NAV2: variants seen among roughly 807,000 people sequenced by gnomAD.
The protein encoded by NAV2 is neuron navigator 2, also known as helicase, APC down-regulated 1.
In NAV2, 54 loss-of-function variants were observed where a neutral mutation model predicts 223.2. That is an observed-to-expected ratio of 0.24 (90% confidence interval 0.19 to 0.30). The LOEUF (loss-of-function observed/expected upper bound fraction) is 0.30, where lower values mean the gene tolerates loss of function less well. Ranked by LOEUF, NAV2 falls within the 10% of genes least tolerant of loss-of-function variation. NAV2 has a pLI of 1.00. For synonymous variants in NAV2, 1,279 were observed against 1,239.3 expected, an observed-to-expected ratio of 1.03 and a Z score of -0.67; for missense variants, 2,806 against 3,147.5, an observed-to-expected ratio of 0.89 and a Z score of 2.60.
intron 1 of NAV2, among the ~76,000 whole-genome samples, chr11:19,539,898 T>C (rs16936939): frequency 0.2 from 30,572 of 152,134 alleles, 6,184 homozygotes; most frequent in African/African-American, 0.53. Context: ...AGATAGGTCG[T>C]GGAGGGGGAC....
chr11:19,844,820 G>GT (rs2060699143), intron 3 of NAV2, among the ~76,000 whole-genome samples: 1 of 144,102 alleles, frequency 6.9e-6, no homozygotes, highest in South Asian at 2.2e-4. Context: ...TGTGAACTGT[G>GT]TGTTTTTTTT....
chr11:19,707,688 C>T (rs76495323), intron 1 of NAV2, among the ~76,000 whole-genome samples: 1 of 152,326 alleles, frequency 6.6e-6, no homozygotes, highest in East Asian at 1.9e-4. Context: ...GAACCCATAA[C>T]ATAGTAATTT....
Position 20,105,566 on chromosome 11 carries a change from A to C in NAV2, c.6680A>C (p.Lys2227Thr), listed in dbSNP as rs1396756491. 6.2e-7 allele frequency: 1 copy of C among 1,614,078 alleles called. No individual in the cohort carries two copies. The highest frequency in any genetic ancestry group is 8.5e-7 in the Non-Finnish European group (1 of 1,179,996). Residue 2227 changes from lysine to threonine, a missense_variant, in exon 35 of 38, where the codon AAG (lysine) becomes ACG (threonine). Physicochemically the swap from Lys to Thr is moderately conservative, Grantham distance 78 (BLOSUM62 -1). This residue lies in a region of NAV2 where 824 missense variants were observed against 1,069.4 expected (regional missense o/e 0.77). Coordinates refer to ENST00000349880, the MANE Select transcript of NAV2 (RefSeq NM_145117.5). Reference sequence around the variant, plus strand: ...TGTGCCAACCACACGGAGCCTGTGAAGGGTTTCCTTGGCCGATTCCTGAGG... The same window carrying C: ...TGTGCCAACCACACGGAGCCTGTGACGGGTTTCCTTGGCCGATTCCTGAGG... ...VLCANHTEPV[K>T]GFLGRFLRRK...
Position 19,413,414 on chromosome 11 carries a change from A to G in NAV2, c.75+62387A>G, listed in dbSNP as rs573602947. Among the ~76,000 whole-genome samples, 10 of 152,338 alleles carry G rather than the reference A, an allele frequency of 6.6e-5. No homozygotes were observed. The South Asian group carries it at 2.1e-3, about 32-fold the overall frequency. Reference sequence around the variant, plus strand: ...GGAATGAACAAATCCTCCAAGAAATATGGGACTATGTGAAAAGACCAAACC... The same window carrying G: ...GGAATGAACAAATCCTCCAAGAAATGTGGGACTATGTGAAAAGACCAAACC... On this transcript the variant is annotated intron_variant, in intron 1 of 37. Transcript: ENST00000360655.
At chr11:20,060,688 G>A (rs995467927) in intron 19 of NAV2, among the ~76,000 whole-genome samples, 8 of 152,182 alleles carry the variant, frequency 5.3e-5, no homozygotes, top group Admixed American at 5.2e-4. Context: ...AATGAGGAAA[G>A]GTCCCATAGA....
At chr11:19,480,144 GA>G in intron 1 of NAV2, among the ~76,000 whole-genome samples, 1 of 152,242 alleles carries the variant, frequency 6.6e-6, no homozygotes, top group East Asian at 1.9e-4. Context: ...CTCACTTAAG[GA>G]AACCCAGAGT....
intron 10 of NAV2, among the ~76,000 whole-genome samples, chr11:19,976,558 C>T (rs2049772156): frequency 6.6e-6 from 1 of 152,198 alleles, no homozygotes; most frequent in Non-Finnish European, 1.5e-5. Context: ...TAGATCTGAG[C>T]CCTTGTTTGA....
chr11:19,975,532 T>C (rs929767954), intron 10 of NAV2, among the ~76,000 whole-genome samples: 2 of 152,184 alleles, frequency 1.3e-5, no homozygotes, highest in African/African-American at 4.8e-5. Flanking sequence ...GAAAGTCACA[T>C]TGCATTTTGC....
At chr11:19,857,631 G>A (rs929689609) in intron 3 of NAV2, among the ~76,000 whole-genome samples, 1 of 152,154 alleles carries the variant, frequency 6.6e-6, no homozygotes, top group African/African-American at 2.4e-5. Flanking sequence ...GTCTACCTCT[G>A]TTGTCTGTCT....
chr11:19,647,294 A>C (rs936592861), intron 1 of NAV2, among the ~76,000 whole-genome samples: 1 of 152,108 alleles, frequency 6.6e-6, no homozygotes, highest in Non-Finnish European at 1.5e-5. Context: ...AGTTGATGCC[A>C]CCATGGAAGA....
intron 1 of NAV2, among the ~76,000 whole-genome samples, chr11:19,603,906 G>A (rs577242920): frequency 2.4e-4 from 36 of 152,168 alleles, no homozygotes; most frequent in Non-Finnish European, 3.8e-4. Context: ...GGGAGGGAGG[G>A]AGCTATAAGG....
At chr11:19,631,459 AT>A (rs1391996149) in intron 1 of NAV2, among the ~76,000 whole-genome samples, 1 of 152,206 alleles carries the variant, frequency 6.6e-6, no homozygotes, top group Non-Finnish European at 1.5e-5. Context: ...ACCTCATAAA[AT>A]GCCCATGTAA....
At chr11:20,081,542 G>A (rs763577627) in intron 25 of NAV2, among the ~76,000 whole-genome samples, 1 of 152,144 alleles carries the variant, frequency 6.6e-6, no homozygotes, top group Non-Finnish European at 1.5e-5. Flanking sequence ...TCTTCCACCT[G>A]GCTTTTCACC....
intron 1 of NAV2, among the ~76,000 whole-genome samples, chr11:19,693,464 T>C (rs1296908448): frequency 6.6e-6 from 1 of 152,198 alleles, no homozygotes; most frequent in Admixed American, 6.5e-5. Context: ...ACCATAGCCC[T>C]TCAAAGGGTG....
intron 11 of NAV2, among the ~76,000 whole-genome samples, chr11:20,007,717 C>A (rs2053203255): frequency 2.6e-5 from 4 of 152,110 alleles, no homozygotes; most frequent in Admixed American, 1.3e-4. Context: ...CTCTATCAAG[C>A]CTGGTGTGTG....
chr11:19,498,104 C>T (rs144443991), intron 1 of NAV2, among the ~76,000 whole-genome samples: 2 of 152,316 alleles, frequency 1.3e-5, no homozygotes, highest in African/African-American at 4.8e-5. Context: ...CAGCCTGGCT[C>T]CAGACTCCAG....
chr11:20,094,739 A>G (rs371603887), intron 29 of NAV2, among the ~76,000 whole-genome samples: 1 of 152,146 alleles, frequency 6.6e-6, no homozygotes, highest in African/African-American at 2.4e-5. Context: ...CGAGACCCCA[A>G]ACATTACTTA....
intron 1 of NAV2, among the ~76,000 whole-genome samples, chr11:19,760,554 G>C (rs2054648852): frequency 6.6e-6 from 1 of 152,116 alleles, no homozygotes; most frequent in Non-Finnish European, 1.5e-5. Flanking sequence ...CCCTTTGCTG[G>C]GCTTTTCAGG....
chr11:20,090,821 A>T, intron 26 of NAV2, 44 bp from the exon 27 acceptor site: 1 of 1,598,886 alleles, frequency 6.3e-7, no homozygotes, highest in Non-Finnish European at 8.5e-7. Context: ...TCAGTAGGGG[A>T]CTAAAAGGAG....
Sources: gnomAD v4.1 joint callset for allele counts (sites outside exome capture counted in the v4.1 genomes callset) on GRCh38, gnomAD v4.1.1 for gene constraint, gnomAD v4.1.1 regional missense constraint, MANE v1.5 for transcripts, NCBI Gene and HGNC (gene_info 2026-07-23, HGNC 2026-07-21) for gene names.